KEAP1: variants seen among roughly 807,000 people sequenced by gnomAD.
The protein encoded by KEAP1 is kelch like ECH associated protein 1.
In KEAP1, 26 loss-of-function variants were observed where a neutral mutation model predicts 59.7. The observed-to-expected ratio is 0.44, with a 90% CI of 0.32 to 0.60. The LOEUF (loss-of-function observed/expected upper bound fraction) is 0.60. Among genes scored for constraint, KEAP1 ranks in the 20% least tolerant of loss-of-function variants. The pLI is 0.06. For missense variants in KEAP1, 539 were observed against 871.4 expected (o/e 0.62, Z 4.80); for synonymous variants, 350 against 358.3 (o/e 0.98, Z 0.26).
rs995487578 is a variant in KEAP1, at chr19:10,502,194, A to C, written c.-48+1047T>G. Among the ~76,000 whole-genome samples the C allele has an allele frequency of 6.6e-6, 1 of 150,998 alleles. No homozygotes were observed. The highest frequency in any genetic ancestry group is 1.5e-5 in the Non-Finnish European group (1 of 67,782). The stretch of plus-strand genomic sequence containing the variant: ...CGTGCCTGCCAGAGCGGCCTCCTCC[A>C]CCCTCCCTGGGTGCCACTCGGCCCC... On this transcript the variant is annotated intron_variant, in intron 1 of 5. Coordinates refer to ENST00000171111, the MANE Select transcript of KEAP1 (RefSeq NM_203500.2). The surrounding 1 kb of genome is among the most constrained non-coding windows in gnomAD (Gnocchi z 4.0).
chr19:10,501,269 G>A (rs1325553677), intron 1 of KEAP1, among the ~76,000 whole-genome samples: 2 of 151,374 alleles, frequency 1.3e-5, no homozygotes, highest in African/African-American at 2.4e-5. Flanking sequence ...ACAGAGTCTC[G>A]CTCTGTTGCC....
rs1478499800 is a variant in KEAP1 at position 10,486,524 on chromosome 19, G to A, written c.*128C>T. The A allele has an allele frequency of 4.3e-6, 4 of 919,704 alleles. No homozygotes were observed. The highest frequency in any genetic ancestry group is 6.8e-6 in the Non-Finnish European group (4 of 592,066). The allele number at this position is 919,704 out of a possible 1,614,324, so 57.0% of individuals were successfully genotyped here. A position where few individuals can be genotyped will look rare whatever the true frequency, so the allele number is the denominator to read the frequency against. ...TTTGAGATGTCATTTTAACACTGAGGCATCCTGGCCTCCCTTCCCGGAAGA... is the reference window on the plus strand; with the variant it reads ...TTTGAGATGTCATTTTAACACTGAGACATCCTGGCCTCCCTTCCCGGAAGA... On this transcript the variant is annotated 3_prime_UTR_variant, in exon 6 of 6. Coordinates refer to ENST00000171111, the MANE Select transcript of KEAP1 (RefSeq NM_203500.2).
Position 10,502,659 on chromosome 19 carries a change from G to C in KEAP1, c.-48+582C>G, listed in dbSNP as rs1291198121. On this transcript the variant is annotated intron_variant, in intron 1 of 5. Coordinates refer to ENST00000171111, the MANE Select transcript of KEAP1 (RefSeq NM_203500.2). This position sits in a 1 kb window ranked among gnomAD's most constrained non-coding sequence, Gnocchi z 4.0. The stretch of plus-strand genomic sequence containing the variant: ...ACGGCCGCAGGGGCGCTCGCGGCCC[G>C]CGATGCCCGCAGCCCGGGCACATCC... The C allele has an allele frequency of 1.3e-5, 2 of 152,028 alleles. No homozygotes were observed. The highest frequency in any genetic ancestry group is 2.1e-4 in the South Asian group (1 of 4,820). The allele number at this position is 152,028 out of a possible 1,614,324, so 9.4% of individuals were successfully genotyped here.
intron 5 of KEAP1, 105 bp from the exon 6 acceptor site, chr19:10,486,923 G>A (rs1914481676): frequency 1.4e-5 from 17 of 1,250,462 alleles, no homozygotes; most frequent in Admixed American, 6.7e-5. Flanking sequence ...CAGGCCGGGC[G>A]TGGTGGCTCA....
rs1334113400 is a variant in KEAP1, at chr19:10,499,859, G to C, written c.175C>G (p.His59Asp). 1 of 1,613,834 alleles carries C rather than the reference G, an allele frequency of 6.2e-7. No homozygotes were observed. The highest frequency in any genetic ancestry group is 8.5e-7 in the Non-Finnish European group (1 of 1,179,988). Reference protein sequence around the residue: ...NRTFSYTLEDHTKQAFGIMNE... With the variant: ...NRTFSYTLEDDTKQAFGIMNE... ...ATGATGCCAAAGGCCTGCTTGGTAT[G>C]ATCCTCCAGGGTGTAGCTGAAGGTG... is the stretch of plus-strand genomic sequence containing the variant. Residue 59 changes from histidine to aspartate, a missense_variant, in exon 2 of 6, where the codon CAT becomes GAT. Transcript: ENST00000171111. This position sits in a 1 kb window ranked among gnomAD's most constrained non-coding sequence, Gnocchi z 6.7.
At chr19:10,495,473 G>A (rs1052838312) in intron 2 of KEAP1, among the ~76,000 whole-genome samples, 1 of 152,078 alleles carries the variant, frequency 6.6e-6, no homozygotes, top group African/African-American at 2.4e-5. Flanking sequence ...CAAAGCAGGC[G>A]GATCACCTGA....
At chr19:10,495,419 C>T (rs1914818969) in intron 2 of KEAP1, among the ~76,000 whole-genome samples, 1 of 152,150 alleles carries the variant, frequency 6.6e-6, no homozygotes, top group South Asian at 2.1e-4. Flanking sequence ...CAGCTCTGGG[C>T]CAGCACAGTG....
At chr19:10,500,438 G>C (rs997908556) in intron 1 of KEAP1, among the ~76,000 whole-genome samples, 1 of 152,080 alleles carries the variant, frequency 6.6e-6, no homozygotes, top group Non-Finnish European at 1.5e-5. Context: ...TCCCTTTCTA[G>C]AGCATGTTGA....
intron 3 of KEAP1, chr19:10,490,890 G>A (rs930490804): frequency 1.3e-5 from 2 of 152,160 alleles, no homozygotes; most frequent in Admixed American, 1.3e-4. Flanking sequence ...TCAGAAAGGA[G>A]AAATCACACA....
rs2144630989 is a variant in KEAP1 at position 10,499,967 on chromosome 19, A to C, written c.67T>G (p.Cys23Gly). The part of the protein sequence containing the change: ...CCRFLPLQSQ[C>G]PEGAGDAVMY... The stretch of plus-strand genomic sequence containing the variant: ...ACCGCGTCCCCTGCCCCCTCAGGGC[A>C]CTGTGACTGCAGGGGCAGGAATCGG... Residue 23 changes from cysteine (C) to glycine (G), a missense_variant, in exon 2 of 6, where the codon TGC becomes GGC. Coordinates refer to ENST00000171111, the MANE Select transcript of KEAP1 (RefSeq NM_203500.2). The surrounding 1 kb of genome is among the most constrained non-coding windows in gnomAD (Gnocchi z 6.7). 5.0e-6 allele frequency: 8 copies of C among 1,595,834 alleles called. No homozygotes were observed. The highest frequency in any genetic ancestry group is 6.9e-6 in the Non-Finnish European group (8 of 1,167,072).
chr19:10,491,606 G>C lies in KEAP1; in HGVS notation c.1296C>G (p.His432Gln), dbSNP rs767802613. ...CCACACTGTTGTGGTGGATGCAGCC[G>C]TGGGAGCCGCCGACGGCATAGATGT... is the stretch of plus-strand genomic sequence containing the variant. ...DGHIYAVGGS[H>Q]GCIHHNSVER... The change falls in exon 3 of 6, where the codon CAC (histidine) becomes CAG (glutamine). Residue 432 changes from histidine to glutamine, a missense_variant. Coordinates refer to ENST00000171111, the MANE Select transcript of KEAP1 (RefSeq NM_203500.2). This position sits in a 1 kb window ranked among gnomAD's most constrained non-coding sequence, Gnocchi z 5.2. 6.3e-7 allele frequency: 1 copy of C among 1,579,384 alleles called. No individual in the cohort carries two copies. The highest frequency in any genetic ancestry group is 1.2e-5 in the South Asian group (1 of 85,408).
At chr19:10,495,102 C>T (rs1471195369) in intron 2 of KEAP1, among the ~76,000 whole-genome samples, 1 of 151,978 alleles carries the variant, frequency 6.6e-6, no homozygotes, top group Non-Finnish European at 1.5e-5. Flanking sequence ...GCTGGGACTA[C>T]AGGCACGCAC....
intron 2 of KEAP1, among the ~76,000 whole-genome samples, chr19:10,493,557 C>CTT (rs756608531): frequency 0.02 from 1,921 of 96,240 alleles, 44 homozygotes; most frequent in Non-Finnish European, 0.03. Flanking sequence ...GTCTCAAACT[C>CTT]TTTTTTTTTT....
intron 1 of KEAP1, among the ~76,000 whole-genome samples, chr19:10,500,681 C>CTT (rs539575991): frequency 1.5e-4 from 19 of 128,668 alleles, no homozygotes; most frequent in East Asian, 4.5e-4. Flanking sequence ...AGTTTGTTTG[C>CTT]TTTTTTTTTT....
rs1262186362 is a variant in KEAP1 at position 10,489,870 on chromosome 19, A to G, written c.1326-17T>C. 1 of 1,608,290 alleles carries G rather than the reference A, an allele frequency of 6.2e-7. No individual in the cohort carries two copies. The highest frequency in any genetic ancestry group is 1.3e-5 in the African/African-American group (1 of 74,704). On this transcript the variant is annotated splice_polypyrimidine_tract_variant and intron_variant, in intron 3 of 5. Coordinates refer to ENST00000171111, the MANE Select transcript of KEAP1 (RefSeq NM_203500.2). ...GGCTCATACCTGCAAGGGCGTAAGA[A>G]AAATGGGGACAATGGCCATTATAGC...
intron 2 of KEAP1, 42 bp from the exon 3 acceptor site, chr19:10,492,304 C>T (rs2144605694): frequency 1.4e-6 from 2 of 1,478,376 alleles, no homozygotes; most frequent in Non-Finnish European, 1.9e-6. Flanking sequence ...CTCCAGTCAC[C>T]CCCACACCTC....
In KEAP1 at chr19:10,486,422, C is replaced by G. The variant is rs1002600294; in HGVS notation, c.*230G>C. 2.0e-6 allele frequency: 1 copy of G among 512,398 alleles called. No homozygotes were observed. The highest frequency in any genetic ancestry group is 3.5e-6 in the Non-Finnish European group (1 of 287,248). The allele number at this position is 512,398 out of a possible 1,614,324, so 31.7% of individuals were successfully genotyped here. Reference sequence around the variant, plus strand: ...CTCCTGGAAGCCTGCTCTTTCCACACCCCCTTTCCCAGCCAGGCTGTCTTG... The same window carrying G: ...CTCCTGGAAGCCTGCTCTTTCCACAGCCCCTTTCCCAGCCAGGCTGTCTTG... On this transcript the variant is annotated 3_prime_UTR_variant, in exon 6 of 6. Coordinates refer to ENST00000171111, the MANE Select transcript of KEAP1 (RefSeq NM_203500.2).
Position 10,489,220 on chromosome 19 carries a change from A to C in KEAP1, c.1680T>G (p.Thr560=). The change falls in exon 5 of 6, where the codon ACT becomes ACG. Residue 560 remains threonine (T), a synonymous_variant. Coordinates refer to ENST00000171111, the MANE Select transcript of KEAP1 (RefSeq NM_203500.2). ...GGACGTAGATTCTCCCCTGGTGGAC[A>C]GTGATCCCCAGGGCACTTCGCCGGT... ...MKHRRSALGI[T]VHQGRIYVLG... 1 of 1,611,996 alleles carries C rather than the reference A, an allele frequency of 6.2e-7. No individual in the cohort carries two copies. The highest frequency in any genetic ancestry group is 8.5e-7 in the Non-Finnish European group (1 of 1,179,878).
Position 10,499,984 on chromosome 19 carries a change from A to T in KEAP1, c.50T>A (p.Leu17Gln), listed in dbSNP as rs753277984. ...PSGAGACCRF[L>Q]PLQSQCPEGA... Reference sequence around the variant, plus strand: ...CTCAGGGCACTGTGACTGCAGGGGCAGGAATCGGCAGCAGGCCCCAGCCCC... The same window carrying T: ...CTCAGGGCACTGTGACTGCAGGGGCTGGAATCGGCAGCAGGCCCCAGCCCC... The change falls in exon 2 of 6, where the codon CTG becomes CAG. Residue 17 changes from leucine to glutamine, a missense_variant. This residue lies in a region of KEAP1 where 166 missense variants were observed against 295.8 expected (regional missense o/e 0.56). Coordinates refer to ENST00000171111, the MANE Select transcript of KEAP1 (RefSeq NM_203500.2). The surrounding 1 kb of genome is among the most constrained non-coding windows in gnomAD (Gnocchi z 6.7). 87 of 1,582,362 alleles carry T rather than the reference A, an allele frequency of 5.5e-5. No individual in the cohort carries two copies. Among genetic ancestry groups the T allele is most frequent in the Non-Finnish European group, 7.1e-5 (82 of 1,159,228 alleles).
Sources: allele counts gnomAD v4.1 joint callset (sites outside exome capture counted in the v4.1 genomes callset), GRCh38; gene constraint gnomAD v4.1.1; regional missense constraint gnomAD v4.1.1; non-coding constraint Gnocchi (gnomAD v3.1); transcripts MANE v1.5; gene names NCBI Gene and HGNC (gene_info 2026-07-23, HGNC 2026-07-21).